Variants in GALK1 observed in about 807,000 individuals in gnomAD.
The protein encoded by GALK1 is galactokinase.
A neutral mutation model predicts 38.6 loss-of-function variants in GALK1; 30 were observed. That is an observed-to-expected ratio of 0.78 (90% CI 0.58 to 1.05). GALK1 has a LOEUF of 1.05. Ranked by LOEUF, GALK1 falls within the 50% of genes least tolerant of loss-of-function variation. The probability of loss-of-function intolerance (pLI) is 0.00; values close to 1 mark genes in which losing one functional copy is unlikely to be tolerated. For synonymous variants in GALK1, 240 were observed against 233.6 expected (o/e 1.03, Z -0.25); for missense variants, 512 against 540.5 (o/e 0.95, Z 0.52).
intron 2 of GALK1, 195 bp downstream of exon 2, chr17:75,763,702 C>A: frequency 1.4e-6 from 1 of 712,924 alleles, no homozygotes; most frequent in Non-Finnish European, 2.4e-6. Flanking sequence ...CAAATCCTGG[C>A]TCCTCCAATC....
At chr17:75,760,634 G>A (rs975823113) in intron 5 of GALK1, among the ~76,000 whole-genome samples, 2 of 151,436 alleles carry the variant, frequency 1.3e-5, no homozygotes, top group African/African-American at 2.4e-5. Context: ...AAATTAACTC[G>A]CTCTGGTGGC....
intron 5 of GALK1, among the ~76,000 whole-genome samples, chr17:75,762,465 T>C (rs569518215): frequency 1.9e-4 from 29 of 152,354 alleles, no homozygotes; most frequent in African/African-American, 6.7e-4. Context: ...TATTTTCTAC[T>C]TTGTACTTTT....
downstream of GALK1, chr17:75,755,088 G>C: frequency 6.2e-7 from 1 of 1,602,096 alleles, no homozygotes; most frequent in Non-Finnish European, 8.5e-7. Flanking sequence ...GGGAGGAGCA[G>C]GCTTCCGCTG....
Position 75,752,290 on chromosome 17 carries a change from G to A in GALK1, c.*23-553C>T, listed in dbSNP as rs146489216. 5 of 1,613,340 alleles carry A rather than the reference G, an allele frequency of 3.1e-6. No individual in the cohort carries two copies. The East Asian group carries it at 8.9e-5, about 29-fold the overall frequency. Reference sequence around the variant, plus strand: ...CTACACGGTGAAGGCGCGCAACGGGGCCGGCTGGGGGCCTGAGCGGGAGGC... The same window carrying A: ...CTACACGGTGAAGGCGCGCAACGGGACCGGCTGGGGGCCTGAGCGGGAGGC... On this transcript the variant is annotated intron_variant, in intron 8 of 8. Transcript: ENST00000225614.
downstream of GALK1, chr17:75,755,596 G>C (rs2061478669): frequency 1.4e-6 from 2 of 1,442,208 alleles, no homozygotes; most frequent in Middle Eastern, 1.7e-4. Flanking sequence ...CCAGCGGTCA[G>C]TGTAGACATG....
rs2061596711 is a variant in GALK1 at position 75,763,430 on chromosome 17, AG to A, written c.364del (p.Leu122SerfsTer42). 12 of 1,602,228 alleles carry A rather than the reference AG, an allele frequency of 7.5e-6. No individual in the cohort carries two copies. Among genetic ancestry groups the A allele is most frequent in the Non-Finnish European group, 1.0e-5 (12 of 1,174,704 alleles). On this transcript the variant is annotated frameshift_variant, in exon 3 of 8. Transcript: ENST00000588479. LOFTEE classifies it high-confidence loss of function. Reference sequence around the variant, plus strand: ...GACCACCACTGCACTGAAGCCAGGGAGGGGGGCAGCTGCAGGGGAAAGAACA... The same window carrying A: ...GACCACCACTGCACTGAAGCCAGGGAGGGGGCAGCTGCAGGGGAAAGAACA... ...GVIQYYPAAP[L>X]PGFSAVVVSS... is the part of the protein sequence containing the mutation.
At chr17:75,764,150 C>T (rs1288771230) in intron 1 of GALK1, 64 bp from the exon 2 acceptor site, 42 of 1,428,506 alleles carry the variant, frequency 2.9e-5, no homozygotes, top group Non-Finnish European at 8.6e-6. Flanking sequence ...TCCAATGACA[C>T]TGCCTCCAGC....
downstream of GALK1, chr17:75,754,565 T>C (rs770324436): frequency 9.9e-6 from 16 of 1,613,176 alleles, no homozygotes; most frequent in Non-Finnish European, 1.4e-5. Flanking sequence ...GACCCTGCTC[T>C]CCCCCTGCAG....
In GALK1 at chr17:75,764,098, G is replaced by C. The variant is rs781159109; in HGVS notation, c.166-12C>G. ...ATGAGCTCCAGAGCCTGGCAGGAGA[G>C]ACAAGCAGTACGTGAGGCTTCCGCC... On this transcript the variant is annotated splice_polypyrimidine_tract_variant and intron_variant, in intron 1 of 7. Transcript: ENST00000588479. 15 of 1,567,882 alleles carry C rather than the reference G, an allele frequency of 9.6e-6. No individual in the cohort carries two copies. In the African/African-American group the frequency reaches 1.8e-4, roughly 18 times the overall value.
downstream of GALK1, among the ~76,000 whole-genome samples, chr17:75,754,224 C>T (rs772555861): frequency 6.6e-6 from 1 of 152,196 alleles, no homozygotes; most frequent in Non-Finnish European, 1.5e-5. Context: ...GAAGCGGACC[C>T]TGGCACCCAA....
chr17:75,756,710 C>T (rs765739183), downstream of GALK1: 2 of 1,613,472 alleles, frequency 1.2e-6, no homozygotes, highest in South Asian at 1.1e-5. Flanking sequence ...CCAGGCTCCG[C>T]CTTCACTTTG....
At chr17:75,757,575 C>T (rs371393052), downstream of GALK1, 24 of 1,613,148 alleles carry the variant, frequency 1.5e-5, no homozygotes, top group South Asian at 5.5e-5. Context: ...GCCCCACCCC[C>T]GCCACGTCCC....
At chr17:75,757,310 G>T (rs754191857), downstream of GALK1, 1 of 1,612,450 alleles carries the variant, frequency 6.2e-7, no homozygotes, top group Non-Finnish European at 8.5e-7. Flanking sequence ...CTTCCTAGTG[G>T]GTGAGCACTG....
chr17:75,755,774 C>CA, downstream of GALK1: 1 of 1,612,662 alleles, frequency 6.2e-7, no homozygotes, highest in South Asian at 1.1e-5. Context: ...CCACATCTCT[C>CA]AGAGTGAGCT....
At chr17:75,762,565 G>A in intron 5 of GALK1, 139 bp downstream of exon 5, 2 of 852,976 alleles carry the variant, frequency 2.3e-6, no homozygotes, top group Non-Finnish European at 3.9e-6. Context: ...GGAACCCTGG[G>A]TGCGCAGTGT....
intron 8 of GALK1, chr17:75,751,904 G>A: frequency 3.7e-6 from 2 of 536,686 alleles, no homozygotes; most frequent in Admixed American, 2.9e-5. Flanking sequence ...GGATATATGG[G>A]TAGAGGTGAC....
Position 75,758,190 on chromosome 17 carries a change from A to T in GALK1, c.1107+20T>A. ...GGGAAGCTGCCGCTCCTGCCCGCCC[A>T]GGCCCTGGTGCCCGCCCACCTGGAT... On this transcript the variant is annotated intron_variant, in intron 7 of 7. Transcript: ENST00000588479. 6.2e-7 allele frequency: 1 copy of T among 1,608,922 alleles called. No individual in the cohort carries two copies. The highest frequency in any genetic ancestry group is 8.5e-7 in the Non-Finnish European group (1 of 1,178,466).
chr17:75,757,001 G>A (rs778822746), downstream of GALK1: 20 of 1,612,732 alleles, frequency 1.2e-5, no homozygotes, highest in African/African-American at 8.0e-5. Context: ...TGACCGTGCC[G>A]GGCCTCAGCG....
At chr17:75,757,509 G>C, downstream of GALK1, 1 of 1,613,380 alleles carries the variant, frequency 6.2e-7, no homozygotes, top group Non-Finnish European at 8.5e-7. Context: ...CTGACCACCA[G>C]CGGAACCCTT....
Sources: allele counts gnomAD v4.1 joint callset (sites outside exome capture counted in the v4.1 genomes callset), GRCh38; gene constraint gnomAD v4.1.1; transcripts MANE v1.5; gene names NCBI Gene and HGNC (gene_info 2026-07-23, HGNC 2026-07-21).